Variants in FOXK2 observed in about 807,000 individuals in gnomAD.
FOXK2 encodes the protein forkhead box K2, also known as forkhead box protein K2.
A neutral mutation model predicts 53.3 loss-of-function variants in FOXK2; 24 were observed. The ratio of observed to expected loss-of-function variants is 0.45; its 90% CI spans 0.33 to 0.63. The LOEUF (loss-of-function observed/expected upper bound fraction) is 0.63. Among genes scored for constraint, FOXK2 ranks in the 30% least tolerant of loss-of-function variants. The pLI is 0.03. For missense variants in FOXK2, 952 were observed against 910.5 expected (o/e 1.05, Z -0.59); for synonymous variants, 505 against 407.1 (o/e 1.24, Z -2.89).
Position 82,559,369 on chromosome 17 carries a change from G to A in FOXK2, c.420-3985G>A, listed in dbSNP as rs375324599. ...CTGCGCTCAGCTCAGAGCCAGCTTC[G>A]TGTGCAGAGCCCAGCAGAGATGGCG... On this transcript the variant is annotated intron_variant, in intron 1 of 8. Coordinates refer to ENST00000335255, the MANE Select transcript of FOXK2 (RefSeq NM_004514.4). The A allele has an allele frequency of 2.0e-4, 93 of 456,212 alleles. 1 individual carries two copies. In the East Asian group the frequency reaches 2.2e-3, roughly 11 times the overall value. 28.3% of individuals were successfully genotyped at this position (456,212 alleles called of 1,614,324 possible).
chr17:82,562,347 G>A (rs1347008301), intron 1 of FOXK2, among the ~76,000 whole-genome samples: 4 of 152,208 alleles, frequency 2.6e-5, no homozygotes, highest in Admixed American at 6.5e-5. Flanking sequence ...TTGGGAAGCC[G>A]AGGTGGGCGG....
At chr17:82,544,686 C>G (rs923576777) in intron 1 of FOXK2, among the ~76,000 whole-genome samples, 2 of 152,068 alleles carry the variant, frequency 1.3e-5, no homozygotes, top group African/African-American at 2.4e-5. Flanking sequence ...TTTTTTGGAG[C>G]TTTTTTGCTT....
intron 1 of FOXK2, among the ~76,000 whole-genome samples, chr17:82,533,157 A>T (rs1216387175): frequency 1.3e-5 from 2 of 152,184 alleles, no homozygotes; most frequent in Non-Finnish European, 2.9e-5. Context: ...TTAACTTTTT[A>T]AAAATAAGTA....
intron 1 of FOXK2, among the ~76,000 whole-genome samples, chr17:82,531,144 C>G (rs1295454149): frequency 1.3e-5 from 2 of 152,068 alleles, no homozygotes; most frequent in Admixed American, 6.5e-5. Context: ...GTGGGCTGGG[C>G]TGATTCATCT....
At chr17:82,581,298 CTT>C (rs993882767) in intron 4 of FOXK2, among the ~76,000 whole-genome samples, 12 of 152,180 alleles carry the variant, frequency 7.9e-5, no homozygotes, top group African/African-American at 2.9e-4. Context: ...TCTGTCAACT[CTT>C]AGCTGGGCTT....
intron 4 of FOXK2, chr17:82,576,862 CA>C: frequency 1.2e-5 from 6 of 520,294 alleles, no homozygotes; most frequent in Non-Finnish European, 1.0e-5. Flanking sequence ...ATTTTTCTAC[CA>C]AAAAAATGTA....
At chr17:82,587,511 G>A (rs1019426746) in intron 8 of FOXK2, 17 of 542,964 alleles carry the variant, frequency 3.1e-5, no homozygotes, top group Non-Finnish European at 4.3e-5. Context: ...CATTGAGAGG[G>A]AAAAATACTC....
intron 1 of FOXK2, among the ~76,000 whole-genome samples, chr17:82,553,442 C>T (rs1375673034): frequency 6.6e-6 from 1 of 152,256 alleles, no homozygotes; most frequent in Non-Finnish European, 1.5e-5. Context: ...GGGACCAGAC[C>T]TGCTGCTCCT....
At chr17:82,527,541 A>G (rs2044430520) in intron 1 of FOXK2, among the ~76,000 whole-genome samples, 1 of 152,084 alleles carries the variant, frequency 6.6e-6, no homozygotes, top group Admixed American at 6.5e-5. Context: ...AGGCAGGATA[A>G]TCACTTGAAC....
intron 1 of FOXK2, among the ~76,000 whole-genome samples, chr17:82,548,893 G>A (rs924733540): frequency 2.6e-5 from 4 of 152,084 alleles, no homozygotes; most frequent in African/African-American, 9.7e-5. Flanking sequence ...GTTGCGTCTC[G>A]ATGCATCGGC....
chr17:82,593,486 G>C (rs2045277766), intron 8 of FOXK2: 1 of 152,456 alleles, frequency 6.6e-6, no homozygotes, highest in South Asian at 2.1e-4. Flanking sequence ...GCGGGTGCCT[G>C]TGCCAGGATC....
chr17:82,559,457 C>T (rs2044769661), intron 1 of FOXK2: 1 of 456,244 alleles, frequency 2.2e-6, no homozygotes, highest in East Asian at 6.9e-5. Context: ...CGTGAGAACC[C>T]CTGGGTTTTA....
At chr17:82,595,687 C>T (rs775638224) in intron 8 of FOXK2, 20 of 988,458 alleles carry the variant, frequency 2.0e-5, no homozygotes, top group South Asian at 5.9e-5. Context: ...ACAGTGGGGT[C>T]GGTCCCTGTT....
At chr17:82,559,431 G>T (rs2044769422) in intron 1 of FOXK2, 2 of 456,250 alleles carry the variant, frequency 4.4e-6, no homozygotes, top group African/African-American at 2.0e-5. Flanking sequence ...CCCTGTTTGT[G>T]TCCACCTGGT....
chr17:82,527,877 T>G (rs1022124508), intron 1 of FOXK2, among the ~76,000 whole-genome samples: 1 of 152,202 alleles, frequency 6.6e-6, no homozygotes, highest in Non-Finnish European at 1.5e-5. Context: ...CATAGCTCAC[T>G]GCAGCCTTGA....
At chr17:82,595,866 C>T (rs1428759536) in intron 8 of FOXK2, 1 of 1,288,132 alleles carries the variant, frequency 7.8e-7, no homozygotes, top group Non-Finnish European at 1.0e-6. Flanking sequence ...CCAGACAGAC[C>T]AGCAGGTGCT....
At chr17:82,535,679 T>C (rs771534579) in intron 1 of FOXK2, among the ~76,000 whole-genome samples, 2 of 152,152 alleles carry the variant, frequency 1.3e-5, no homozygotes, top group Non-Finnish European at 2.9e-5. Context: ...TTTTATGCTG[T>C]CTCTGTCGAT....
intron 1 of FOXK2, among the ~76,000 whole-genome samples, chr17:82,533,602 C>T (rs1290311811): frequency 2.0e-5 from 3 of 152,104 alleles, no homozygotes; most frequent in Admixed American, 6.6e-5. Context: ...CGGCTGTTCG[C>T]GTAGTAGGTT....
chr17:82,588,524 C>T (rs35748473), intron 8 of FOXK2: 38,436 of 156,800 alleles, frequency 0.25, 5,431 homozygotes, highest in Admixed American at 0.32. Context: ...GTCTTAGTCA[C>T]TCCCAGTCTG....
Sources: gnomAD v4.1 joint callset for allele counts (sites outside exome capture counted in the v4.1 genomes callset) on GRCh38, gnomAD v4.1.1 for gene constraint, MANE v1.5 for transcripts, NCBI Gene and HGNC (gene_info 2026-07-23, HGNC 2026-07-21) for gene names.